Variants in SLC11A1 observed in about 807,000 individuals in gnomAD.
The protein encoded by SLC11A1 is solute carrier family 11 member 1.
In SLC11A1, 59 loss-of-function variants were observed where a neutral mutation model predicts 63.2. That is an observed-to-expected ratio of 0.93 (90% CI 0.76 to 1.16). The LOEUF is 1.16. SLC11A1 is among the 50% of genes most tolerant of loss of function. SLC11A1 has a pLI of 0.00. For synonymous variants in SLC11A1, 305 were observed against 307.8 expected (o/e 0.99, Z 0.09); for missense variants, 688 against 730.7 (o/e 0.94, Z 0.67).
In SLC11A1 at chr2:218,396,532, T is replaced by G. The variant is rs1357853925; in HGVS notation, c.*1497T>G. On this transcript the variant is annotated 3_prime_UTR_variant, in exon 15 of 15. Coordinates refer to ENST00000233202, the MANE Select transcript of SLC11A1 (RefSeq NM_000578.4). ...GCGCTCAGGTCCGGACGCTTGTTTA[T>G]GAGAAGAATTTCCTCTTTCTTAAAA... 2.0e-5 allele frequency: 3 copies of G among 152,402 alleles called. No homozygotes were observed. The East Asian group carries it at 5.6e-4, about 29-fold the overall frequency. 9.4% of individuals were successfully genotyped at this position (152,402 alleles called of 1,614,324 possible).
chr2:218,385,246 T>C lies in SLC11A1; in HGVS notation c.373T>C (p.Cys125Arg), dbSNP rs748447891. The C allele has an allele frequency of 3.1e-6, 5 of 1,613,894 alleles. No homozygotes were observed. The highest frequency in any genetic ancestry group is 2.2e-5 in the East Asian group (1 of 44,894). ...VVTGKDLGEV[C>R]HLYYPKVPRT... is the part of the protein sequence containing the mutation. ...GACAGGCAAGGACTTGGGCGAGGTCTGCCATCTCTACTACCCTAAGGTGAG... is the reference window on the plus strand; with the variant it reads ...GACAGGCAAGGACTTGGGCGAGGTCCGCCATCTCTACTACCCTAAGGTGAG... Residue 125 changes from cysteine to arginine, a missense_variant, in exon 4 of 15, where the codon TGC becomes CGC. Transcript: ENST00000233202.
Position 218,382,339 on chromosome 2 carries a change from A to G in SLC11A1, c.-30A>G, listed in dbSNP as rs767395494. 3 of 1,612,766 alleles carry G rather than the reference A, an allele frequency of 1.9e-6. No individual in the cohort carries two copies. In the South Asian group the frequency reaches 3.3e-5, roughly 18 times the overall value. On this transcript the variant is annotated 5_prime_UTR_variant, in exon 1 of 15. Transcript: ENST00000233202. ...AGGAGCTGCCCAGAGCACCGCTCACACTCCCAGAGTACCTGAAGTCGGCAT... is the reference window on the plus strand; with the variant it reads ...AGGAGCTGCCCAGAGCACCGCTCACGCTCCCAGAGTACCTGAAGTCGGCAT...
At position 218,395,250 on chromosome 2, in the gene SLC11A1, C is replaced by T. The variant is rs1406051732; in HGVS notation, c.*215C>T. 1.8e-6 allele frequency: 1 copy of T among 569,124 alleles called. No homozygotes were observed. The highest frequency in any genetic ancestry group is 3.1e-6 in the Non-Finnish European group (1 of 318,056). The allele number at this position is 569,124 out of a possible 1,614,324, so 35.3% of individuals were successfully genotyped here. ...TAAAATGGAGACACCACCACCCTTG[C>T]CATGGAGGTTAAGCACTTTAACACA... On this transcript the variant is annotated 3_prime_UTR_variant, in exon 15 of 15. Transcript: ENST00000233202.
Position 218,386,751 on chromosome 2 carries a change from C to G in SLC11A1, c.500+10C>G, listed in dbSNP as rs200748847. The stretch of plus-strand genomic sequence containing the variant: ...TGCTCTCAGCTGGACGGTACCACCC[C>G]AGTGTACCCCAACTCTTCAGGCCAG... On this transcript the variant is annotated intron_variant, in intron 5 of 14. Transcript: ENST00000233202. 5 of 1,596,726 alleles carry G rather than the reference C, an allele frequency of 3.1e-6. No homozygotes were observed. Among genetic ancestry groups the G allele is most frequent in the Non-Finnish European group, 3.4e-6 (4 of 1,164,434 alleles).
chr2:218,394,855 T>C, intron 14 of SLC11A1, 70 bp downstream of exon 14: 1 of 1,607,222 alleles, frequency 6.2e-7, no homozygotes, highest in Non-Finnish European at 8.5e-7. Context: ...TGGGGAGGGT[T>C]TGGGGGGACA....
chr2:218,383,224 C>A, intron 2 of SLC11A1, 122 bp downstream of exon 2: 1 of 1,035,670 alleles, frequency 9.7e-7, no homozygotes, highest in Admixed American at 2.6e-5. Flanking sequence ...GTCTGAGCAG[C>A]AGTGGTGGAC....
chr2:218,386,017 C>T (rs1696079541), intron 4 of SLC11A1, among the ~76,000 whole-genome samples: 1 of 152,200 alleles, frequency 6.6e-6, no homozygotes, highest in African/African-American at 2.4e-5. Flanking sequence ...AAAGCTGCTA[C>T]ACCTCTGGCA....
rs191066713 is a variant in SLC11A1 at position 218,391,474 on chromosome 2, C to A, written c.1143C>A (p.Tyr381Ter). Reference sequence around the variant, plus strand: ...AGAGCTCCACCATGACGGGCACCTACGCGGGACAGTTCGTGATGGAGGTAG... The same window carrying A: ...AGAGCTCCACCATGACGGGCACCTAAGCGGGACAGTTCGTGATGGAGGTAG... ...AGQSSTMTGT[Y>*]AGQFVMEGFL... is the part of the protein sequence containing the mutation. Residue 381 changes from tyrosine (Y) to a stop codon, truncating the protein, a stop_gained, in exon 11 of 15, where the codon TAC becomes TAA. Transcript: ENST00000233202. LOFTEE classifies it high-confidence loss of function. 1.2e-6 allele frequency: 2 copies of A among 1,605,342 alleles called. No individual in the cohort carries two copies. Among genetic ancestry groups the A allele is most frequent in the Non-Finnish European group, 1.7e-6 (2 of 1,176,164 alleles).
Position 218,382,886 on chromosome 2 carries a change from A to C in SLC11A1, c.8-74A>C. On this transcript the variant is annotated intron_variant, in intron 1 of 14. Coordinates refer to ENST00000233202, the MANE Select transcript of SLC11A1 (RefSeq NM_000578.4). ...TCCACTTTTCCGGGAGGAGGAGGGA[A>C]AGGATCAGGCGGCTTTAACTCTGGG... The C allele has an allele frequency of 8.8e-6, 14 of 1,588,612 alleles. No individual in the cohort carries two copies. In the South Asian group the frequency reaches 1.6e-4, roughly 18 times the overall value.
chr2:218,383,251 T>C, intron 2 of SLC11A1, 149 bp downstream of exon 2: 1 of 795,718 alleles, frequency 1.3e-6, no homozygotes, highest in Non-Finnish European at 2.0e-6. Context: ...AACTGCCCCT[T>C]CCTGCTTCCG....
intron 8 of SLC11A1, 127 bp downstream of exon 8, chr2:218,388,082 G>C (rs561766161): frequency 8.5e-7 from 1 of 1,176,860 alleles, no homozygotes; most frequent in African/African-American, 1.6e-5. Flanking sequence ...TAATAATTGA[G>C]GGACAGGCGG....
intron 8 of SLC11A1, among the ~76,000 whole-genome samples, chr2:218,389,546 C>T (rs1384069434): frequency 1.3e-5 from 2 of 152,010 alleles, no homozygotes; most frequent in Non-Finnish European, 2.9e-5. Context: ...AGAACAAAAC[C>T]TGTCTCTAAA....
chr2:218,394,329 A>C, intron 13 of SLC11A1, 136 bp downstream of exon 13: 1 of 885,070 alleles, frequency 1.1e-6, no homozygotes, highest in Non-Finnish European at 1.8e-6. Flanking sequence ...GGACTTACCC[A>C]GGTTCACACA....
Position 218,384,910 on chromosome 2 carries a change from TG to T in SLC11A1, c.274-232del. 2.2e-6 allele frequency: 1 copy of T among 464,912 alleles called. No homozygotes were observed. The highest frequency in any genetic ancestry group is 4.0e-6 in the Non-Finnish European group (1 of 253,028). 28.8% of individuals were successfully genotyped at this position (464,912 alleles called of 1,614,324 possible). A position where few individuals can be genotyped will look rare whatever the true frequency, so the allele number is the denominator to read the frequency against. ...CGTAATTTATTTATTTATTTAGAGA[TG>T]GGGGTCTCACTATGTTGCTCAGGCT... On this transcript the variant is annotated intron_variant, in intron 3 of 14. Transcript: ENST00000233202. This position sits in a 1 kb window ranked among gnomAD's most constrained non-coding sequence, Gnocchi z 4.0.
intron 9 of SLC11A1, among the ~76,000 whole-genome samples, chr2:218,390,857 T>G (rs1400455616): frequency 1.3e-5 from 2 of 152,014 alleles, no homozygotes; most frequent in East Asian, 3.9e-4. Flanking sequence ...CTTCTCAATT[T>G]TAAATGTTGG....
At chr2:218,391,946 C>T (rs574756531) in intron 11 of SLC11A1, among the ~76,000 whole-genome samples, 3 of 151,954 alleles carry the variant, frequency 2.0e-5, no homozygotes, top group Non-Finnish European at 2.9e-5. Context: ...TTAGTAGAGA[C>T]GCAGTTTTGC....
intron 11 of SLC11A1, 81 bp from the exon 12 acceptor site, chr2:218,392,900 G>A (rs1479234890): frequency 9.5e-6 from 11 of 1,160,420 alleles, no homozygotes; most frequent in South Asian, 1.5e-5. Context: ...GGGATAAATC[G>A]GTTGAGGGAC....
chr2:218,387,318 C>A, intron 6 of SLC11A1, 88 bp downstream of exon 6: 2 of 1,283,880 alleles, frequency 1.6e-6, no homozygotes, highest in South Asian at 1.3e-5. Flanking sequence ...AGCCTGGGAG[C>A]GCACCTGAGC....
At position 218,395,096 on chromosome 2, in the gene SLC11A1, A is replaced by C. The variant is rs1204139733; in HGVS notation, c.*61A>C. 7.6e-7 allele frequency: 1 copy of C among 1,309,530 alleles called. No individual in the cohort carries two copies. The highest frequency in any genetic ancestry group is 1.5e-5 in the African/African-American group (1 of 67,998). 81.1% of individuals were successfully genotyped at this position (1,309,530 alleles called of 1,614,324 possible). A position where few individuals can be genotyped will look rare whatever the true frequency, so the allele number is the denominator to read the frequency against. On this transcript the variant is annotated 3_prime_UTR_variant, in exon 15 of 15. Coordinates refer to ENST00000233202, the MANE Select transcript of SLC11A1 (RefSeq NM_000578.4). ...GACGTGACTGGCCTGCTGGATGTGG[A>C]GGGGGCGCGTGCAGGCAGCAGGATA...
Sources: gnomAD v4.1 joint callset for allele counts (sites outside exome capture counted in the v4.1 genomes callset) on GRCh38, gnomAD v4.1.1 for gene constraint, Gnocchi (gnomAD v3.1) non-coding constraint, MANE v1.5 for transcripts, NCBI Gene and HGNC (gene_info 2026-07-23, HGNC 2026-07-21) for gene names.